AHRR: variants seen among roughly 807,000 people sequenced by gnomAD.
AHRR encodes ahR repressor.
A neutral mutation model predicts 44.0 loss-of-function variants in AHRR; 28 were observed. That is an observed-to-expected ratio of 0.64 (90% CI 0.47 to 0.87). The LOEUF (loss-of-function observed/expected upper bound fraction) is 0.87, where lower values mean the gene tolerates loss of function less well. Among genes scored for constraint, AHRR ranks in the 40% least tolerant of loss-of-function variants. The pLI is 0.00. For synonymous variants in AHRR, 434 were observed against 407.0 expected, an observed-to-expected ratio of 1.07 and a Z score of -0.80; for missense variants, 990 against 953.9, an observed-to-expected ratio of 1.04 and a Z score of -0.50.
intron 8 of AHRR, among the ~76,000 whole-genome samples, 171 bp downstream of exon 8, chr5:428,177 A>G (rs1169496959): frequency 6.6e-6 from 1 of 152,256 alleles, no homozygotes; most frequent in Non-Finnish European, 1.5e-5. Flanking sequence ...TAGATGAAAC[A>G]ATGTTTTTCA....
chr5:368,315 C>G (rs536275551), intron 3 of AHRR, among the ~76,000 whole-genome samples: 4 of 152,146 alleles, frequency 2.6e-5, no homozygotes, highest in Non-Finnish European at 5.9e-5. Flanking sequence ...TGGGCCAGGG[C>G]GCTCCCTGGC....
intron 8 of AHRR, among the ~76,000 whole-genome samples, chr5:430,747 A>G (rs1736686161): frequency 6.6e-6 from 1 of 152,220 alleles, no homozygotes; most frequent in Non-Finnish European, 1.5e-5. Flanking sequence ...GGGCCCTGCT[A>G]GCCCCACCTC....
intron 4 of AHRR, among the ~76,000 whole-genome samples, chr5:377,827 T>A (rs1440231592): frequency 6.6e-6 from 1 of 152,182 alleles, no homozygotes; most frequent in Non-Finnish European, 1.5e-5. Context: ...GCGTGGGATA[T>A]TTTGGAGCTA....
In AHRR at chr5:406,488, A is replaced by C. The variant is rs1735265312; in HGVS notation, c.352-6856A>C. 2.0e-5 allele frequency among the ~76,000 whole-genome samples: 3 copies of C among 152,254 alleles called. No individual in the cohort carries two copies. Among genetic ancestry groups the C allele is most frequent in the Admixed American group, 1.3e-4 (2 of 15,288 alleles). ...AAGAACAGGAAGTTGTCTCAAAATA[A>C]AGGGGGATCAGGTGGCTGGTCCACT... is the stretch of plus-strand genomic sequence containing the variant. On this transcript the variant is annotated intron_variant, in intron 4 of 10. Coordinates refer to ENST00000684583, the MANE Select transcript of AHRR (RefSeq NM_001377236.1). This position sits in a 1 kb window ranked among gnomAD's most constrained non-coding sequence, Gnocchi z 4.7.
intron 1 of AHRR, among the ~76,000 whole-genome samples, chr5:340,504 G>GCTT: frequency 6.7e-6 from 1 of 150,314 alleles, no homozygotes; most frequent in South Asian, 2.1e-4. Flanking sequence ...CTCTGATGTT[G>GCTT]CTTCTCTTTT....
chr5:403,600 T>C lies in AHRR; in HGVS notation c.352-9744T>C, dbSNP rs886161432. 8 of 449,022 alleles carry C rather than the reference T, an allele frequency of 1.8e-5. No individual in the cohort carries two copies. The Middle Eastern group carries it at 2.7e-3, about 150-fold the overall frequency. 27.8% of individuals were successfully genotyped at this position (449,022 alleles called of 1,614,324 possible). A position where few individuals can be genotyped will look rare whatever the true frequency, so the allele number is the denominator to read the frequency against. ...GCAGTGAGCCGAGATCGCACCACAC[T>C]GTACTCCAGCCTAGGTGACAGAATG... On this transcript the variant is annotated intron_variant, in intron 4 of 10. Coordinates refer to ENST00000684583, the MANE Select transcript of AHRR (RefSeq NM_001377236.1).
In AHRR at chr5:422,658, A is replaced by C. The variant is rs979750112; in HGVS notation, c.442-71A>C. The C allele has an allele frequency of 7.5e-6, 12 of 1,607,430 alleles. No individual in the cohort carries two copies. The Admixed American group carries it at 1.8e-4, about 25-fold the overall frequency. On this transcript the variant is annotated intron_variant, in intron 5 of 10. Coordinates refer to ENST00000684583, the MANE Select transcript of AHRR (RefSeq NM_001377236.1). ...CAAGTGGAGTGGAAATTTTTCGGTT[A>C]CTCGTCGGTGGAATAAAGTGTCTAA...
In AHRR at chr5:434,081, G is replaced by A. The variant is rs149786309; in HGVS notation, c.1341G>A (p.Ser447=). Reference sequence around the variant, plus strand: ...GTGTCCAGGGCACTTTCAGGAACTCGCCCATCTCTCACCCGCCGAGCCCGT... The same window carrying A: ...GTGTCCAGGGCACTTTCAGGAACTCACCCATCTCTCACCCGCCGAGCCCGT... ...CPCVQGTFRN[S]PISHPPSPSP... is the part of the protein sequence containing the mutation. Residue 447 remains serine, a synonymous_variant, in exon 11 of 11, where the codon TCG becomes TCA. Coordinates refer to ENST00000684583, the MANE Select transcript of AHRR (RefSeq NM_001377236.1). 4.2e-3 allele frequency: 6,831 copies of A among 1,612,746 alleles called. 29 individuals are homozygous for A. The highest frequency in any genetic ancestry group is 0.011 in the Middle Eastern group (69 of 6,042).
At chr5:332,968 C>G (rs58959003) in intron 1 of AHRR, among the ~76,000 whole-genome samples, 3,118 of 128,442 alleles carry the variant, frequency 0.024, 105 homozygotes, top group African/African-American at 0.096. Context: ...GGCGTAAAGT[C>G]TGTTTTATCT....
chr5:378,818 C>T (rs542914598), intron 4 of AHRR, among the ~76,000 whole-genome samples: 192 of 152,340 alleles, frequency 1.3e-3, no homozygotes, highest in African/African-American at 4.5e-3. Flanking sequence ...TCACTGGAGC[C>T]ACGGATGTGG....
intron 1 of AHRR, among the ~76,000 whole-genome samples, chr5:333,441 C>T (rs998518189): frequency 6.6e-6 from 1 of 152,068 alleles, no homozygotes; most frequent in Non-Finnish European, 1.5e-5. Flanking sequence ...ACTAAAAATA[C>T]AAAAATTAGC....
intron 3 of AHRR, among the ~76,000 whole-genome samples, chr5:367,517 C>A (rs545490889): frequency 3.9e-5 from 6 of 152,190 alleles, no homozygotes; most frequent in African/African-American, 1.2e-4. Context: ...CCGTGGGGAC[C>A]GGATGAGCCA....
chr5:390,195 G>A (rs1172545361), intron 4 of AHRR, among the ~76,000 whole-genome samples: 2 of 152,216 alleles, frequency 1.3e-5, no homozygotes, highest in East Asian at 1.9e-4. Flanking sequence ...ATAACGAAGA[G>A]TGTGATTGGA....
intron 7 of AHRR, among the ~76,000 whole-genome samples, chr5:425,478 C>T (rs916296393): frequency 2.6e-5 from 4 of 152,130 alleles, no homozygotes; most frequent in African/African-American, 4.8e-5. Flanking sequence ...CCACCACGCC[C>T]GGCTAATTTT....
intron 1 of AHRR, among the ~76,000 whole-genome samples, chr5:334,983 G>A (rs974449368): frequency 1.3e-5 from 2 of 152,058 alleles, no homozygotes; most frequent in Non-Finnish European, 2.9e-5. Context: ...TGGTATCTGC[G>A]GCTTCCTTGG....
rs547890804 is a variant in AHRR at position 420,212 on chromosome 5, A to G, written c.442-2517A>G. On this transcript the variant is annotated intron_variant, in intron 5 of 10. Transcript: ENST00000684583. ...AACACTGAAGGAGGAGCCGTTGGCT[A>G]CTTGGTAAGAGAGCTGTGAAGTCCT... is the stretch of plus-strand genomic sequence containing the variant. Among the ~76,000 whole-genome samples the G allele has an allele frequency of 1.7e-4, 26 of 152,348 alleles. No individual in the cohort carries two copies. In the South Asian group the frequency reaches 5.2e-3, roughly 30 times the overall value.
At chr5:327,407 A>G (rs7713850) in intron 1 of AHRR, among the ~76,000 whole-genome samples, 15,048 of 152,208 alleles carry the variant, frequency 0.099, 2,395 homozygotes, top group African/African-American at 0.34. Flanking sequence ...GGTCTCTGTC[A>G]TCCATCATTC....
At chr5:403,843 G>A in intron 4 of AHRR, 1 of 1,568,730 alleles carries the variant, frequency 6.4e-7, no homozygotes, top group Non-Finnish European at 8.8e-7. Context: ...TTTGCTCAAA[G>A]GACAAAGAAC....
chr5:398,067 C>A (rs1734828757), intron 4 of AHRR, among the ~76,000 whole-genome samples: 1 of 141,124 alleles, frequency 7.1e-6, no homozygotes. Context: ...ATCCACGTAG[C>A]TCCTGACCAT....
Sources: gnomAD v4.1 joint callset for allele counts (sites outside exome capture counted in the v4.1 genomes callset) on GRCh38, gnomAD v4.1.1 for gene constraint, Gnocchi (gnomAD v3.1) non-coding constraint, MANE v1.5 for transcripts, NCBI Gene and HGNC (gene_info 2026-07-23, HGNC 2026-07-21) for gene names.